EXTL3: variants seen among roughly 807,000 people sequenced by gnomAD.
EXTL3 encodes the protein exostosin-like 3.
Under a neutral mutation model 69.3 loss-of-function variants are expected in EXTL3, and 27 were observed. The observed-to-expected ratio is 0.39, with a 90% confidence interval of 0.29 to 0.54. The LOEUF is 0.54. Among genes scored for constraint, EXTL3 ranks in the 20% least tolerant of loss-of-function variants. EXTL3 has a pLI of 0.69. For synonymous variants in EXTL3, 511 were observed against 499.4 expected, an observed-to-expected ratio of 1.02 and a Z score of -0.31; for missense variants, 1,003 against 1,231.8, an observed-to-expected ratio of 0.81 and a Z score of 2.78.
At chr8:28,632,104 C>CAA (rs111535160) in intron 1 of EXTL3, among the ~76,000 whole-genome samples, 3 of 139,476 alleles carry the variant, frequency 2.2e-5, no homozygotes, top group African/African-American at 7.7e-5. Context: ...CACCACCCAC[C>CAA]AAAAAAAAAA....
At chr8:28,647,680 T>C (rs1022220727) in intron 1 of EXTL3, among the ~76,000 whole-genome samples, 5 of 152,152 alleles carry the variant, frequency 3.3e-5, no homozygotes, top group Non-Finnish European at 5.9e-5. Flanking sequence ...GGTTCTTTTC[T>C]GACATTCTTG....
upstream of EXTL3, chr8:28,700,230 C>A (rs1800757771): frequency 6.6e-6 from 1 of 151,784 alleles, no homozygotes; most frequent in Non-Finnish European, 1.5e-5. Flanking sequence ...TTATAATAAT[C>A]AAGAGGAAAG....
intron 1 of EXTL3, among the ~76,000 whole-genome samples, chr8:28,654,808 G>A (rs949123165): frequency 6.6e-6 from 1 of 152,064 alleles, no homozygotes; most frequent in Non-Finnish European, 1.5e-5. Flanking sequence ...ATTCAAACCT[G>A]AACATTCAAA....
chr8:28,641,323 C>T (rs1806739149), intron 1 of EXTL3, among the ~76,000 whole-genome samples: 1 of 152,168 alleles, frequency 6.6e-6, no homozygotes, highest in South Asian at 2.1e-4. Context: ...TCACTGTTAA[C>T]TTCACAGGGG....
intron 2 of EXTL3, among the ~76,000 whole-genome samples, chr8:28,611,910 T>C (rs2130531038): frequency 6.6e-6 from 1 of 152,290 alleles, no homozygotes; most frequent in Admixed American, 6.5e-5. Context: ...ACCTTGTCAT[T>C]GGGGCTCCCT....
intron 1 of EXTL3, among the ~76,000 whole-genome samples, chr8:28,628,994 A>G (rs1806534318): frequency 6.6e-6 from 1 of 152,288 alleles, no homozygotes; most frequent in Admixed American, 6.5e-5. Flanking sequence ...AGGAAAAATC[A>G]CAGAATGAGA....
At chr8:28,611,271 T>C (rs1468068506) in intron 2 of EXTL3, among the ~76,000 whole-genome samples, 1 of 152,130 alleles carries the variant, frequency 6.6e-6, no homozygotes, top group Non-Finnish European at 1.5e-5. Flanking sequence ...GGCAATATAG[T>C]GAGACCTCAT....
chr8:28,736,982 A>AT (rs1167691622), intron 4 of EXTL3, among the ~76,000 whole-genome samples: 2 of 151,548 alleles, frequency 1.3e-5, no homozygotes, highest in Admixed American at 6.6e-5. Flanking sequence ...ACAAACAAAA[A>AT]TTTTTTTTTG....
At chr8:28,739,639 C>T (rs539684550) in intron 5 of EXTL3, among the ~76,000 whole-genome samples, 1 of 152,254 alleles carries the variant, frequency 6.6e-6, no homozygotes, top group South Asian at 2.1e-4. Flanking sequence ...CATATAGGGA[C>T]GTTTGAACCA....
chr8:28,644,824 T>C (rs902690790), intron 1 of EXTL3, among the ~76,000 whole-genome samples: 1 of 152,354 alleles, frequency 6.6e-6, no homozygotes, highest in Middle Eastern at 3.4e-3. Flanking sequence ...TCTTTTCATT[T>C]ATTATAATTT....
chr8:28,626,600 T>C (rs990160371), intron 1 of EXTL3, among the ~76,000 whole-genome samples: 1 of 152,192 alleles, frequency 6.6e-6, no homozygotes, highest in Non-Finnish European at 1.5e-5. Flanking sequence ...ATTCTGTAAG[T>C]GTTTACTTAG....
chr8:28,619,266 T>TAAAAAAAAAAAAAAAAAAAAAAA (rs755355444), upstream of EXTL3, among the ~76,000 whole-genome samples: 2 of 64,654 alleles, frequency 3.1e-5, no homozygotes, highest in African/African-American at 7.1e-5. Context: ...AGCTTAGTGA[T>TAAAAAAAAAAAAAAAAAAAAAAA]AAAAAAAAAA....
chr8:28,629,234 T>C (rs1044447984), intron 1 of EXTL3, among the ~76,000 whole-genome samples: 1 of 138,526 alleles, frequency 7.2e-6, no homozygotes, highest in African/African-American at 2.7e-5. Flanking sequence ...CTGACAAAGA[T>C]GTGCTCTGGC....
At chr8:28,644,437 A>G (rs376636400) in intron 1 of EXTL3, among the ~76,000 whole-genome samples, 1 of 152,140 alleles carries the variant, frequency 6.6e-6, no homozygotes, top group East Asian at 1.9e-4. Context: ...GGTGGCTCAC[A>G]CCTGTAATCC....
intron 3 of EXTL3, among the ~76,000 whole-genome samples, chr8:28,725,362 A>G: frequency 6.6e-6 from 1 of 152,218 alleles, no homozygotes; most frequent in South Asian, 2.1e-4. Flanking sequence ...AGGCCAAGCA[A>G]AGAGTGGGCA....
At chr8:28,609,901 T>TA (rs35274445) in intron 2 of EXTL3, among the ~76,000 whole-genome samples, 314 of 122,344 alleles carry the variant, frequency 2.6e-3, no homozygotes, top group Admixed American at 4.4e-3. Context: ...AAAAAATAAT[T>TA]AAAAAAAAAA....
chr8:28,669,776 A>C (rs1047636200), intron 1 of EXTL3, among the ~76,000 whole-genome samples: 1 of 152,208 alleles, frequency 6.6e-6, no homozygotes, highest in Non-Finnish European at 1.5e-5. Flanking sequence ...GGGTGTCTAA[A>C]TGAACATGCG....
chr8:28,687,399 G>A (rs1412341271), intron 1 of EXTL3, among the ~76,000 whole-genome samples: 6 of 152,140 alleles, frequency 3.9e-5, no homozygotes, highest in Non-Finnish European at 8.8e-5. Context: ...CCAGGAGGTG[G>A]AGGTTGCAGT....
At chr8:28,715,212 T>C (rs1282496630) in intron 2 of EXTL3, among the ~76,000 whole-genome samples, 1 of 152,182 alleles carries the variant, frequency 6.6e-6, no homozygotes, top group African/African-American at 2.4e-5. Context: ...TAGGAAGGTA[T>C]TTCTGTTCAT....
Sources: allele counts gnomAD v4.1 joint callset (sites outside exome capture counted in the v4.1 genomes callset), GRCh38; gene constraint gnomAD v4.1.1; transcripts MANE v1.5; gene names NCBI Gene and HGNC (gene_info 2026-07-23, HGNC 2026-07-21).